CEP135: variants seen among roughly 807,000 people sequenced by gnomAD.
CEP135 encodes centrosomal protein 135.
A neutral mutation model predicts 157.3 loss-of-function variants in CEP135; 142 were observed. That is an observed-to-expected ratio of 0.90 (90% CI 0.79 to 1.04). The LOEUF (loss-of-function observed/expected upper bound fraction) is 1.04, where lower values mean the gene tolerates loss of function less well. Ranked by LOEUF, CEP135 falls within the 50% of genes least tolerant of loss-of-function variation. CEP135 has a pLI of 0.00. For missense variants in CEP135, 1,317 were observed against 1,309.2 expected (o/e 1.01, Z -0.09); for synonymous variants, 396 against 439.8 (o/e 0.90, Z 1.25).
chr4:55,972,361 G>T (rs1307773546), intron 10 of CEP135, among the ~76,000 whole-genome samples: 1 of 151,978 alleles, frequency 6.6e-6, no homozygotes, highest in Non-Finnish European at 1.5e-5. Context: ...TTGATAAGAG[G>T]TATTAAATTA....
chr4:55,978,551 A>T (rs1392827183), intron 11 of CEP135, among the ~76,000 whole-genome samples: 1 of 152,008 alleles, frequency 6.6e-6, no homozygotes, highest in Non-Finnish European at 1.5e-5. Context: ...TTTCTGGAAG[A>T]TTATTTTGTT....
At chr4:56,027,779 T>G (rs2109756032) in intron 25 of CEP135, among the ~76,000 whole-genome samples, 1 of 152,168 alleles carries the variant, frequency 6.6e-6, no homozygotes, top group South Asian at 2.1e-4. Flanking sequence ...CCTCAAACTC[T>G]CCTGAGCTCA....
chr4:55,957,081 A>G, intron 4 of CEP135, 142 bp from the exon 5 acceptor site: 2 of 816,392 alleles, frequency 2.4e-6, no homozygotes, highest in Non-Finnish European at 3.8e-6. Context: ...GTGGATATTT[A>G]TATATTGATG....
intron 5 of CEP135, among the ~76,000 whole-genome samples, chr4:55,958,223 C>T (rs1728563794): frequency 6.6e-6 from 1 of 152,144 alleles, no homozygotes; most frequent in African/African-American, 2.4e-5. Flanking sequence ...TCGCTTGAAC[C>T]CATGAATTCA....
intron 17 of CEP135, among the ~76,000 whole-genome samples, chr4:56,001,158 C>T (rs1300334138): frequency 2.0e-5 from 3 of 152,010 alleles, no homozygotes; most frequent in Non-Finnish European, 2.9e-5. Flanking sequence ...GGTTATTAAT[C>T]CCTTGTCAGA....
In CEP135 at chr4:55,999,301, G is replaced by A; in HGVS notation, c.2010-1G>A. On this transcript the variant is annotated splice_acceptor_variant, in intron 15 of 25. Transcript: ENST00000257287. LOFTEE classifies it high-confidence loss of function. ...TTTGTTTTTGTCCATTGATTCTTTA[G>A]GATAGTGAATGAGCAGCTACAGCGG... 6.2e-7 allele frequency: 1 copy of A among 1,609,876 alleles called. No homozygotes were observed. Among genetic ancestry groups the A allele is most frequent in the Non-Finnish European group, 8.5e-7 (1 of 1,176,986 alleles).
intron 18 of CEP135, 120 bp from the exon 19 acceptor site, chr4:56,009,615 T>C: frequency 2.4e-6 from 2 of 835,042 alleles, no homozygotes; most frequent in Non-Finnish European, 1.8e-6. Flanking sequence ...GCAGCAGTTA[T>C]AATTTCTTAT....
intron 23 of CEP135, 57 bp from the exon 24 acceptor site, chr4:56,020,619 G>A (rs1026139997): frequency 1.4e-6 from 2 of 1,400,440 alleles, no homozygotes; most frequent in Non-Finnish European, 2.0e-6. Flanking sequence ...AAAACCCACA[G>A]CACCTGACTC....
chr4:56,023,624 A>G (rs1248315643), intron 24 of CEP135, among the ~76,000 whole-genome samples: 1 of 146,318 alleles, frequency 6.8e-6, no homozygotes, highest in Non-Finnish European at 1.5e-5. Flanking sequence ...AATTAATATA[A>G]CATAGTAATA....
chr4:55,954,181 C>T (rs1728440465), intron 3 of CEP135, 35 bp from the exon 4 acceptor site: 1 of 1,524,058 alleles, frequency 6.6e-7, no homozygotes. Context: ...ATTTCTTGAT[C>T]TTTAAAACGG....
chr4:56,027,610 C>T (rs759911850), intron 25 of CEP135, among the ~76,000 whole-genome samples: 10 of 152,142 alleles, frequency 6.6e-5, no homozygotes, highest in Non-Finnish European at 1.5e-4. Context: ...CCAGACTGCA[C>T]TTTAAGAACT....
chr4:55,981,186 A>T, intron 12 of CEP135, 41 bp from the exon 13 acceptor site: 1 of 1,529,508 alleles, frequency 6.5e-7, no homozygotes, highest in Non-Finnish European at 8.7e-7. Context: ...TATATCTTTT[A>T]CTAAAGTGCC....
At chr4:55,977,003 G>A (rs1257887815) in intron 11 of CEP135, among the ~76,000 whole-genome samples, 1 of 147,274 alleles carries the variant, frequency 6.8e-6, no homozygotes, top group Non-Finnish European at 1.5e-5. Context: ...TGTATTTTTT[G>A]TAGAGATAGG....
At position 56,013,261 on chromosome 4, in the gene CEP135, G is replaced by A. The variant is rs6857948; in HGVS notation, c.2802+1276G>A. ...ATTGTTTTAAATTGTTGTTGTAGAA[G>A]TTCTTTACATATTCTGGAGATTAAT... On this transcript the variant is annotated intron_variant, in intron 21 of 25. Transcript: ENST00000257287. 8.0e-3 allele frequency among the ~76,000 whole-genome samples: 1,213 copies of A among 152,162 alleles called. 14 individuals carry two copies. The highest frequency in any genetic ancestry group is 0.028 in the African/African-American group (1,142 of 41,526).
At chr4:56,022,003 CTGAG>C (rs1381610213) in intron 24 of CEP135, among the ~76,000 whole-genome samples, 16 of 152,082 alleles carry the variant, frequency 1.1e-4, no homozygotes, top group African/African-American at 3.9e-4. Flanking sequence ...GCCCTCCAGC[CTGAG>C]TAACAGTGAA....
chr4:55,983,430 C>T (rs1181572746), intron 13 of CEP135, among the ~76,000 whole-genome samples: 1 of 152,070 alleles, frequency 6.6e-6, no homozygotes, highest in Non-Finnish European at 1.5e-5. Flanking sequence ...CCCATTATTC[C>T]ACTATCTAAC....
intron 25 of CEP135, among the ~76,000 whole-genome samples, chr4:56,027,340 T>C (rs968364865): frequency 3.3e-5 from 5 of 152,240 alleles, no homozygotes; most frequent in African/African-American, 1.2e-4. Flanking sequence ...TTAAGCTTTA[T>C]TGGAGCACAG....
At chr4:56,026,508 C>CA (rs1731163988) in intron 25 of CEP135, among the ~76,000 whole-genome samples, 1 of 152,092 alleles carries the variant, frequency 6.6e-6, no homozygotes, top group Non-Finnish European at 1.5e-5. Context: ...GTTGTGTGTA[C>CA]TTGTAGATTG....
intron 12 of CEP135, 69 bp from the exon 13 acceptor site, chr4:55,981,157 AT>A: frequency 7.0e-7 from 1 of 1,435,522 alleles, no homozygotes; most frequent in Admixed American, 2.6e-5. Flanking sequence ...CTGGAAACAT[AT>A]CCAAAGTATT....
Sources: allele counts gnomAD v4.1 joint callset (sites outside exome capture counted in the v4.1 genomes callset), GRCh38; gene constraint gnomAD v4.1.1; transcripts MANE v1.5; gene names NCBI Gene and HGNC (gene_info 2026-07-23, HGNC 2026-07-21).